The following LIG1 variants were observed in gnomAD, a reference collection of about 807,000 sequenced individuals.
LIG1 encodes the protein ligase I, DNA, ATP-dependent.
In LIG1, 70 loss-of-function variants were observed where a neutral mutation model predicts 115.7. The ratio of observed to expected loss-of-function variants is 0.60; its 90% CI spans 0.50 to 0.74. The LOEUF (loss-of-function observed/expected upper bound fraction) is 0.74, where lower values mean the gene tolerates loss of function less well. Among genes scored for constraint, LIG1 ranks in the 30% least tolerant of loss-of-function variants. The probability of loss-of-function intolerance (pLI) is 0.00; values close to 1 mark genes in which losing one functional copy is unlikely to be tolerated. For synonymous variants in LIG1, 487 were observed against 495.3 expected (o/e 0.98, Z 0.22); for missense variants, 1,115 against 1,225.6 (o/e 0.91, Z 1.35).
rs36171813 is a variant in LIG1, at chr19:48,153,637, AACACACACACACACACACACACAC to A, written c.466+211_466+234del. Among the ~76,000 whole-genome samples, 545 of 58,776 alleles carry A rather than the reference AACACACACACACACACACACACAC, an allele frequency of 9.3e-3. 9 individuals carry two copies. Among genetic ancestry groups the A allele is most frequent in the African/African-American group, 0.035 (517 of 14,692 alleles). The allele number at this position is 58,776 out of a possible 152,430, so 38.6% of individuals were successfully genotyped here. A position where few individuals can be genotyped will look rare whatever the true frequency, so the allele number is the denominator to read the frequency against. ...CAGGCCCCTGCCCTTGCAGATCCAAAACACACACACACACACACACACACACACACACACACACACACACACACA... is the reference window on the plus strand; with the variant it reads ...CAGGCCCCTGCCCTTGCAGATCCAAAACACACACACACACACACACACACA... On this transcript the variant is annotated intron_variant, in intron 6 of 27. Transcript: ENST00000263274.
chr19:48,119,913 A>C (rs564796678), intron 24 of LIG1, among the ~76,000 whole-genome samples: 2 of 152,370 alleles, frequency 1.3e-5, no homozygotes, highest in South Asian at 4.1e-4. Flanking sequence ...AATTAGCAGT[A>C]ATGCTGGATG....
Position 48,137,294 on chromosome 19 carries a change from G to C in LIG1, c.1255-210C>G, listed in dbSNP as rs2034452739. 6.6e-6 allele frequency among the ~76,000 whole-genome samples: 1 copy of C among 152,212 alleles called. No homozygotes were observed. ...GCCTCCCTCTCCCTTTATCCAGGAA[G>C]TATTTACTGAGTCCTGTCATGTGGC... is the stretch of plus-strand genomic sequence containing the variant. On this transcript the variant is annotated intron_variant, in intron 13 of 27. Transcript: ENST00000263274. This position sits in a 1 kb window ranked among gnomAD's most constrained non-coding sequence, Gnocchi z 4.3.
chr19:48,117,052 T>G (rs1299084717), intron 26 of LIG1, among the ~76,000 whole-genome samples: 1 of 152,178 alleles, frequency 6.6e-6, no homozygotes, highest in Non-Finnish European at 1.5e-5. Flanking sequence ...CAGGCTGGTC[T>G]TGAACTCCTG....
At chr19:48,135,891 G>GCGGCCCA in intron 15 of LIG1, 112 bp from the exon 16 acceptor site, 1 of 928,772 alleles carries the variant, frequency 1.1e-6, no homozygotes, top group Non-Finnish European at 1.7e-6. Context: ...GGCCCAAGAC[G>GCGGCCCA]CCCCCTCCCC....
intron 4 of LIG1, among the ~76,000 whole-genome samples, chr19:48,157,561 T>C (rs985741144): frequency 6.6e-6 from 1 of 152,176 alleles, no homozygotes; most frequent in Non-Finnish European, 1.5e-5. Context: ...TATTTATTTA[T>C]TGAGACAGGG....
chr19:48,155,506 C>T (rs2035777597), intron 5 of LIG1, among the ~76,000 whole-genome samples: 1 of 152,116 alleles, frequency 6.6e-6, no homozygotes, highest in Admixed American at 6.5e-5. Context: ...CTCGGCTCAG[C>T]CATCACCTCC....
In LIG1 at chr19:48,131,130, C is replaced by T; in HGVS notation, c.1767G>A (p.Arg589=). Reference sequence around the variant, plus strand: ...ACTTCCCAGTGTTGTCTTCCTGATTCCTGCTGAAGATCTTCACCTCCCCGC... The same window carrying T: ...ACTTCCCAGTGTTGTCTTCCTGATTTCTGCTGAAGATCTTCACCTCCCCGC... ...LEGGEVKIFS[R]NQEDNTGKYP... is the part of the protein sequence containing the mutation. The change falls in exon 19 of 28, where the codon AGG becomes AGA. Residue 589 remains arginine (R), a synonymous_variant. Transcript: ENST00000263274. 1 of 1,614,138 alleles carries T rather than the reference C, an allele frequency of 6.2e-7. No individual in the cohort carries two copies.
At chr19:48,160,068 T>C (rs2036085611) in intron 4 of LIG1, among the ~76,000 whole-genome samples, 1 of 152,170 alleles carries the variant, frequency 6.6e-6, no homozygotes, top group Non-Finnish European at 1.5e-5. Flanking sequence ...GAAAAGGCAA[T>C]TCCTGGATTC....
At chr19:48,119,043 G>A in intron 25 of LIG1, 94 bp downstream of exon 25, 1 of 1,038,322 alleles carries the variant, frequency 9.6e-7, no homozygotes, top group Middle Eastern at 2.8e-4. Context: ...GGAGCCCCAA[G>A]ATGGTGGAAG....
chr19:48,119,696 G>A (rs1001776556), intron 24 of LIG1, among the ~76,000 whole-genome samples: 9 of 151,840 alleles, frequency 5.9e-5, no homozygotes, highest in Admixed American at 4.6e-4. Flanking sequence ...GCACCACCAC[G>A]CCTGGCTAAT....
At chr19:48,151,374 A>T (rs776900279) in intron 6 of LIG1, 35 bp from the exon 7 acceptor site, 1 of 1,329,308 alleles carries the variant, frequency 7.5e-7, no homozygotes, top group Non-Finnish European at 1.1e-6. Context: ...TGGCAAAAAA[A>T]TCCCATTGAA....
At position 48,128,030 on chromosome 19, in the gene LIG1, G is replaced by A. The variant is rs769239167; in HGVS notation, c.1822-10C>T. The A allele has an allele frequency of 2.5e-6, 4 of 1,605,564 alleles. No homozygotes were observed. The East Asian group carries it at 8.9e-5, about 36-fold the overall frequency. ...CCGATGGGAGTTTAATCTGAAAAGT[G>A]AAGGGAGAGACCCAGGGCCTGAGAG... On this transcript the variant is annotated splice_polypyrimidine_tract_variant and intron_variant, in intron 19 of 27. Coordinates refer to ENST00000263274, the MANE Select transcript of LIG1 (RefSeq NM_000234.3).
At chr19:48,170,206 C>T (rs1167121613) in intron 1 of LIG1, 35 bp downstream of exon 1, 9 of 455,098 alleles carry the variant, frequency 2.0e-5, no homozygotes, top group Non-Finnish European at 3.5e-5. Flanking sequence ...CCGCCGCCCT[C>T]CGCCTCCCAT....
At position 48,137,701 on chromosome 19, in the gene LIG1, G is replaced by A. The variant is rs752469927; in HGVS notation, c.1088-13C>T. ...TCCAGCTGCCGACCTTCAGGGGAGAGCGCGGGTGGGGGTGTCGAGGGTGAC... is the reference window on the plus strand; with the variant it reads ...TCCAGCTGCCGACCTTCAGGGGAGAACGCGGGTGGGGGTGTCGAGGGTGAC... On this transcript the variant is annotated splice_polypyrimidine_tract_variant and intron_variant, in intron 12 of 27. Coordinates refer to ENST00000263274, the MANE Select transcript of LIG1 (RefSeq NM_000234.3). The surrounding 1 kb of genome is among the most constrained non-coding windows in gnomAD (Gnocchi z 4.3). 5.4e-5 allele frequency: 86 copies of A among 1,601,134 alleles called. No homozygotes were observed. Among genetic ancestry groups the A allele is most frequent in the Non-Finnish European group, 7.2e-5 (85 of 1,179,584 alleles).
rs3730915 is a variant in LIG1 at position 48,149,355 on chromosome 19, C to T, written c.776+408G>A. Among the ~76,000 whole-genome samples the T allele has an allele frequency of 5.9e-3, 896 of 152,192 alleles. 4 individuals carry two copies. Among genetic ancestry groups the T allele is most frequent in the Non-Finnish European group, 6.8e-3 (464 of 68,002 alleles). ...GGAACAGAGAGGTAGGAAGTGAGGC[C>T]AGAGAGGGAGGTGGCAGCCAGTGGC... On this transcript the variant is annotated intron_variant, in intron 9 of 27. Coordinates refer to ENST00000263274, the MANE Select transcript of LIG1 (RefSeq NM_000234.3).
chr19:48,166,446 T>C (rs1375082999), intron 1 of LIG1, among the ~76,000 whole-genome samples: 1 of 152,176 alleles, frequency 6.6e-6, no homozygotes, highest in Non-Finnish European at 1.5e-5. Flanking sequence ...ATCTTGTATA[T>C]GTACAGAACA....
chr19:48,126,714 T>G (rs1467370429), intron 21 of LIG1, among the ~76,000 whole-genome samples: 2 of 151,316 alleles, frequency 1.3e-5, no homozygotes, highest in Non-Finnish European at 2.9e-5. Context: ...ATTAAAAAAA[T>G]AAATCCAATA....
chr19:48,127,511 C>T (rs879707745), intron 20 of LIG1, 163 bp from the exon 21 acceptor site: 94 of 665,548 alleles, frequency 1.4e-4, no homozygotes, highest in African/African-American at 1.2e-3. Context: ...GGATCGTTAA[C>T]GGCTCTCAGC....
At chr19:48,141,391 CAAA>C (rs1316606839) in intron 11 of LIG1, among the ~76,000 whole-genome samples, 1 of 148,956 alleles carries the variant, frequency 6.7e-6, no homozygotes, top group Non-Finnish European at 1.5e-5. Flanking sequence ...CTCGGCCTCC[CAAA>C]GTGCTGGGAT....
Sources: gnomAD v4.1 joint callset for allele counts (sites outside exome capture counted in the v4.1 genomes callset) on GRCh38, gnomAD v4.1.1 for gene constraint, Gnocchi (gnomAD v3.1) non-coding constraint, MANE v1.5 for transcripts, NCBI Gene and HGNC (gene_info 2026-07-23, HGNC 2026-07-21) for gene names.